The following PSMA1 variants were observed in gnomAD, a reference collection of about 807,000 sequenced individuals.
PSMA1 encodes proteasome 20S subunit alpha 1, also known as proteasome subunit alpha type-1.
PSMA1 carries 3 observed loss-of-function variants against 38.4 expected under a neutral mutation model. The observed-to-expected ratio is 0.08, with a 90% confidence interval of 0.04 to 0.20. The LOEUF (loss-of-function observed/expected upper bound fraction) is 0.20. Among genes scored for constraint, PSMA1 ranks in the 10% least tolerant of loss-of-function variants. PSMA1 has a pLI of 1.00. For missense variants in PSMA1, 227 were observed against 325.3 expected, an observed-to-expected ratio of 0.70 and a Z score of 2.32; for synonymous variants, 101 against 107.1, an observed-to-expected ratio of 0.94 and a Z score of 0.35.
At chr11:14,633,381 G>T (rs1298906167) in intron 1 of PSMA1, among the ~76,000 whole-genome samples, 7 of 151,982 alleles carry the variant, frequency 4.6e-5, no homozygotes, top group African/African-American at 1.7e-4. Context: ...CTGCAGGTCT[G>T]TTGGAGTACC....
At chr11:14,614,187 G>A (rs1337301469) in intron 1 of PSMA1, among the ~76,000 whole-genome samples, 2 of 151,942 alleles carry the variant, frequency 1.3e-5, no homozygotes, top group African/African-American at 2.4e-5. Flanking sequence ...AGGGTTGTTT[G>A]TTTTTTTAAA....
intron 2 of PSMA1, among the ~76,000 whole-genome samples, chr11:14,539,347 T>C (rs1461535732): frequency 6.6e-6 from 1 of 152,138 alleles, no homozygotes; most frequent in East Asian, 1.9e-4. Flanking sequence ...TGCCAAGCTA[T>C]TCCACTTTAC....
chr11:14,513,808 T>C lies in PSMA1; in HGVS notation c.414+9A>G, dbSNP rs759616956. On this transcript the variant is annotated intron_variant, in intron 6 of 9. Coordinates refer to ENST00000396394, the MANE Select transcript of PSMA1 (RefSeq NM_002786.4). ...ATCATTAACATATAACAATATTCAA[T>C]GAACTTACATCATAACCAGCAATAA... 1 of 1,574,894 alleles carries C rather than the reference T, an allele frequency of 6.3e-7. No individual in the cohort carries two copies. Among genetic ancestry groups the C allele is most frequent in the South Asian group, 1.2e-5 (1 of 83,424 alleles).
intron 2 of PSMA1, among the ~76,000 whole-genome samples, chr11:14,592,374 CTCTATATATA>C (rs1199749934): frequency 1.7e-5 from 2 of 119,256 alleles, no homozygotes; most frequent in Non-Finnish European, 3.4e-5. Flanking sequence ...CTCTCTCTCT[CTCTATATATA>C]TATATATATA....
intron 8 of PSMA1, among the ~76,000 whole-genome samples, chr11:14,508,575 A>AAAAAAAAAAAC (rs1476450498): frequency 6.6e-6 from 1 of 150,466 alleles, no homozygotes; most frequent in Admixed American, 6.6e-5. Flanking sequence ...AAAAAAAAAA[A>AAAAAAAAAAAC]AACCCAGATT....
At chr11:14,592,372 C>A (rs1403975508) in intron 2 of PSMA1, among the ~76,000 whole-genome samples, 30 of 111,530 alleles carry the variant, frequency 2.7e-4, no homozygotes, top group East Asian at 1.5e-3. Context: ...CTCTCTCTCT[C>A]TCTCTATATA....
At chr11:14,576,212 T>C (rs1852212543) in intron 2 of PSMA1, among the ~76,000 whole-genome samples, 1 of 152,214 alleles carries the variant, frequency 6.6e-6, no homozygotes, top group African/African-American at 2.4e-5. Flanking sequence ...GTAAAAATTT[T>C]CTCCCATTCT....
chr11:14,510,800 C>A, intron 8 of PSMA1, 72 bp downstream of exon 8: 1 of 1,058,402 alleles, frequency 9.4e-7, no homozygotes, highest in South Asian at 1.6e-5. Flanking sequence ...TGCATATATA[C>A]TCCATTACAT....
chr11:14,639,682 T>G (rs1853173220), intron 1 of PSMA1, among the ~76,000 whole-genome samples: 1 of 152,222 alleles, frequency 6.6e-6, no homozygotes, highest in South Asian at 2.1e-4. Flanking sequence ...CATCATACCT[T>G]ACACTTAAGC....
chr11:14,532,905 T>TAAAAAAAAAAA (rs1045512634), intron 2 of PSMA1, among the ~76,000 whole-genome samples: 1 of 150,524 alleles, frequency 6.6e-6, no homozygotes. Context: ...AAAAAAAATT[T>TAAAAAAAAAAA]AAAAAAAATC....
intron 2 of PSMA1, among the ~76,000 whole-genome samples, chr11:14,537,673 T>G (rs979530989): frequency 3.3e-5 from 5 of 151,116 alleles, no homozygotes; most frequent in African/African-American, 1.2e-4. Context: ...AAAATTATTT[T>G]AAAGACCTAA....
At chr11:14,596,285 T>G (rs1018848358) in intron 2 of PSMA1, among the ~76,000 whole-genome samples, 1 of 152,238 alleles carries the variant, frequency 6.6e-6, no homozygotes, top group South Asian at 2.1e-4. Context: ...GTGAAGAACG[T>G]CATTGGTAGC....
At chr11:14,625,069 T>C (rs1195304742) in intron 1 of PSMA1, among the ~76,000 whole-genome samples, 2 of 152,140 alleles carry the variant, frequency 1.3e-5, no homozygotes, top group Non-Finnish European at 2.9e-5. Flanking sequence ...GAAAAGCCCA[T>C]AGGAAACATG....
intron 2 of PSMA1, among the ~76,000 whole-genome samples, chr11:14,554,754 G>A (rs577907651): frequency 2.0e-5 from 3 of 151,984 alleles, no homozygotes; most frequent in East Asian, 3.9e-4. Context: ...TTTTTTAAAC[G>A]GATTTTTTTA....
At chr11:14,510,815 G>T in intron 8 of PSMA1, 57 bp downstream of exon 8, 1 of 1,220,500 alleles carries the variant, frequency 8.2e-7, no homozygotes, top group African/African-American at 1.5e-5. Context: ...TTACATTTAT[G>T]CAATAAAGGT....
At chr11:14,556,133 C>A (rs1851938983) in intron 2 of PSMA1, among the ~76,000 whole-genome samples, 1 of 152,148 alleles carries the variant, frequency 6.6e-6, no homozygotes, top group African/African-American at 2.4e-5. Flanking sequence ...TTCCTTAGAT[C>A]TCCTATATTC....
chr11:14,597,451 C>A (rs1852512197), intron 2 of PSMA1, among the ~76,000 whole-genome samples: 1 of 152,204 alleles, frequency 6.6e-6, no homozygotes, highest in Admixed American at 6.5e-5. Flanking sequence ...AGAGATTCAA[C>A]TTCTTCCTGG....
At position 14,513,892 on chromosome 11, in the gene PSMA1, G is replaced by A. The variant is rs548891903; in HGVS notation, c.344-5C>T. 56 of 1,590,004 alleles carry A rather than the reference G, an allele frequency of 3.5e-5. No individual in the cohort carries two copies. The South Asian group carries it at 6.4e-4, about 18-fold the overall frequency. On this transcript the variant is annotated splice_region_variant and splice_polypyrimidine_tract_variant and intron_variant, in intron 5 of 9. Coordinates refer to ENST00000396394, the MANE Select transcript of PSMA1 (RefSeq NM_002786.4). ...GTTGTGTTGGTATCTGGGTCTCTTA[G>A]ACTGGTTAACGAGCTTGTTTTAACA...
chr11:14,519,098 T>C, intron 1 of PSMA1, 57 bp from the exon 2 acceptor site: 1 of 1,319,658 alleles, frequency 7.6e-7, no homozygotes, highest in Non-Finnish European at 1.1e-6. Context: ...ATCCCAACTC[T>C]TAACATTCAT....
Sources: allele counts gnomAD v4.1 joint callset (sites outside exome capture counted in the v4.1 genomes callset), GRCh38; gene constraint gnomAD v4.1.1; transcripts MANE v1.5; gene names NCBI Gene and HGNC (gene_info 2026-07-23, HGNC 2026-07-21).